Variants in SPRYD7 observed in about 807,000 individuals in gnomAD.
The protein encoded by SPRYD7 is SPRY domain-containing protein 7.
A neutral mutation model predicts 23.8 loss-of-function variants in SPRYD7; 14 were observed. That is an observed-to-expected ratio of 0.59 (90% confidence interval 0.39 to 0.92). The LOEUF (loss-of-function observed/expected upper bound fraction) is 0.92. SPRYD7 is among the 40% of genes least tolerant of loss of function. The probability of loss-of-function intolerance (pLI) is 0.00; values close to 1 mark genes in which losing one functional copy is unlikely to be tolerated. For missense variants in SPRYD7, 194 were observed against 241.7 expected (o/e 0.80, Z 1.31); for synonymous variants, 75 against 84.9 (o/e 0.88, Z 0.64).
At chr13:49,916,618 GAA>G (rs1955755102) in intron 4 of SPRYD7, among the ~76,000 whole-genome samples, 3 of 149,384 alleles carry the variant, frequency 2.0e-5, no homozygotes, top group Admixed American at 6.7e-5. Flanking sequence ...AAAAAAAAAA[GAA>G]AGAAAAACAA....
chr13:49,919,426 C>A (rs1004516779), intron 4 of SPRYD7, among the ~76,000 whole-genome samples: 5 of 152,122 alleles, frequency 3.3e-5, no homozygotes, highest in African/African-American at 1.2e-4. Flanking sequence ...TGCTTGTAGT[C>A]CCATCTACTC....
At position 49,921,709 on chromosome 13, in the gene SPRYD7, A is replaced by G; in HGVS notation, c.391-129T>C. 4.9e-6 allele frequency: 3 copies of G among 613,070 alleles called. No individual in the cohort carries two copies. In the South Asian group the frequency reaches 5.9e-5, roughly 12 times the overall value. The allele number at this position is 613,070 out of a possible 1,614,324, so 38.0% of individuals were successfully genotyped here. On this transcript the variant is annotated intron_variant, in intron 3 of 4. Coordinates refer to ENST00000361840, the MANE Select transcript of SPRYD7 (RefSeq NM_020456.4). ...TTTCATTAAGGGTTGACAATTTGGT[A>G]GAATCCTACTTGAACTGAGCTAAAA...
intron 2 of SPRYD7, among the ~76,000 whole-genome samples, 176 bp downstream of exon 2, chr13:49,930,842 T>C (rs538141457): frequency 6.6e-6 from 1 of 152,338 alleles, no homozygotes; most frequent in East Asian, 1.9e-4. Flanking sequence ...AAACTGAACC[T>C]AATTTAACTA....
At chr13:49,921,448 T>C in intron 4 of SPRYD7, 30 bp downstream of exon 4, 1 of 1,353,886 alleles carries the variant, frequency 7.4e-7, no homozygotes, top group Non-Finnish European at 1.1e-6. Flanking sequence ...AATATGTATG[T>C]AATAATACAT....
At chr13:49,916,057 G>C (rs960734383) in intron 4 of SPRYD7, among the ~76,000 whole-genome samples, 2 of 152,168 alleles carry the variant, frequency 1.3e-5, no homozygotes, top group Non-Finnish European at 2.9e-5. Context: ...GGAGTGGTGA[G>C]TAGGATATAA....
intron 3 of SPRYD7, 94 bp downstream of exon 3, chr13:49,927,825 T>C: frequency 1.4e-6 from 2 of 1,393,220 alleles, no homozygotes; most frequent in East Asian, 2.3e-5. Context: ...TGCTTTGGAA[T>C]TCAAACCACA....
intron 3 of SPRYD7, 102 bp downstream of exon 3, chr13:49,927,817 C>A: frequency 7.8e-7 from 1 of 1,273,984 alleles, no homozygotes; most frequent in Admixed American, 2.0e-5. Flanking sequence ...AATCCCACTG[C>A]TTTGGAATTC....
chr13:49,935,203 C>T (rs1871567364), intron 1 of SPRYD7, among the ~76,000 whole-genome samples: 1 of 152,140 alleles, frequency 6.6e-6, no homozygotes, highest in African/African-American at 2.4e-5. Context: ...TAAGAAGTGC[C>T]TTTTTATTTC....
At position 49,914,957 on chromosome 13, in the gene SPRYD7, A is replaced by C; in HGVS notation, c.*106T>G. On this transcript the variant is annotated 3_prime_UTR_variant, in exon 5 of 5. Transcript: ENST00000361840. ...ATTGGTTCCTTAGACAGCATCAACAAGCATATTTTTAAGAATATATTTTCA... is the reference window on the plus strand; with the variant it reads ...ATTGGTTCCTTAGACAGCATCAACACGCATATTTTTAAGAATATATTTTCA... The C allele has an allele frequency of 1.8e-6, 1 of 542,890 alleles. No individual in the cohort carries two copies. Among genetic ancestry groups the C allele is most frequent in the Non-Finnish European group, 3.2e-6 (1 of 316,062 alleles). 33.6% of individuals were successfully genotyped at this position (542,890 alleles called of 1,614,324 possible). A position where few individuals can be genotyped will look rare whatever the true frequency, so the allele number is the denominator to read the frequency against.
chr13:49,931,207 T>C, intron 1 of SPRYD7, 73 bp from the exon 2 acceptor site: 1 of 962,176 alleles, frequency 1.0e-6, no homozygotes, highest in Non-Finnish European at 1.5e-6. Context: ...TGAGACGGAG[T>C]CTTGCTCTGT....
In SPRYD7 at chr13:49,921,477, C is replaced by T. The variant is rs773292903; in HGVS notation, c.493+1G>A. On this transcript the variant is annotated splice_donor_variant, in intron 4 of 4. Coordinates refer to ENST00000361840, the MANE Select transcript of SPRYD7 (RefSeq NM_020456.4). LOFTEE classifies it high-confidence loss of function. ...AATACATTAGAAATATTTTTGCTTA[C>T]CATAAACAACTGGATACACTGTCCC... The T allele has an allele frequency of 1.9e-6, 3 of 1,597,908 alleles. No homozygotes were observed. The highest frequency in any genetic ancestry group is 1.1e-5 in the South Asian group (1 of 90,742).
At chr13:49,933,622 AAAAG>A (rs947038799) in intron 1 of SPRYD7, among the ~76,000 whole-genome samples, 4 of 151,966 alleles carry the variant, frequency 2.6e-5, no homozygotes, top group Admixed American at 6.6e-5. Flanking sequence ...AAAAGAAAAA[AAAAG>A]AAAGAAAGAA....
chr13:49,922,980 G>A (rs574079474), intron 3 of SPRYD7, among the ~76,000 whole-genome samples: 64 of 152,294 alleles, frequency 4.2e-4, no homozygotes, highest in East Asian at 5.8e-4. Flanking sequence ...AAGGAATACT[G>A]AGAAAGATAA....
chr13:49,932,834 A>T (rs748150205), intron 1 of SPRYD7, among the ~76,000 whole-genome samples: 14 of 152,192 alleles, frequency 9.2e-5, no homozygotes, highest in Non-Finnish European at 1.6e-4. Context: ...CAAAACTGAG[A>T]TCCTATTGTA....
chr13:49,924,721 C>T (rs1174781031), intron 3 of SPRYD7, among the ~76,000 whole-genome samples: 2 of 151,956 alleles, frequency 1.3e-5, no homozygotes, highest in African/African-American at 4.8e-5. Flanking sequence ...CACCTGTAAT[C>T]TCAGCACTTT....
rs1470205295 is a variant in SPRYD7 at position 49,927,819 on chromosome 13, T to C, written c.390+100A>G. 3.8e-6 allele frequency: 5 copies of C among 1,300,934 alleles called. No individual in the cohort carries two copies. The African/African-American group carries it at 4.4e-5, about 11-fold the overall frequency. 80.6% of individuals were successfully genotyped at this position (1,300,934 alleles called of 1,614,324 possible). A position where few individuals can be genotyped will look rare whatever the true frequency, so the allele number is the denominator to read the frequency against. On this transcript the variant is annotated intron_variant, in intron 3 of 4. Transcript: ENST00000361840. Reference sequence around the variant, plus strand: ...TCTCATTAGATCCAATCCCACTGCTTTGGAATTCAAACCACAAACTCCCAG... The same window carrying C: ...TCTCATTAGATCCAATCCCACTGCTCTGGAATTCAAACCACAAACTCCCAG...
chr13:49,923,336 C>G (rs1955841237), intron 3 of SPRYD7, among the ~76,000 whole-genome samples: 1 of 152,064 alleles, frequency 6.6e-6, no homozygotes, highest in Admixed American at 6.6e-5. Flanking sequence ...CTCCACTTCC[C>G]AGGTTCAGGA....
chr13:49,916,899 A>C (rs1955758195), intron 4 of SPRYD7, among the ~76,000 whole-genome samples: 2 of 152,184 alleles, frequency 1.3e-5, no homozygotes, highest in African/African-American at 2.4e-5. Flanking sequence ...GATGGAAAGA[A>C]GGCAGGATTG....
At position 49,913,975 on chromosome 13, in the gene SPRYD7, C is replaced by G. The variant is rs11839292; in HGVS notation, c.*1088G>C. On this transcript the variant is annotated 3_prime_UTR_variant, in exon 5 of 5. Transcript: ENST00000361840. Reference sequence around the variant, plus strand: ...AGCAGCAAAACTACAATTTGGATCTCTTTCTAATTCTAACACTCATGTTTT... The same window carrying G: ...AGCAGCAAAACTACAATTTGGATCTGTTTCTAATTCTAACACTCATGTTTT... 0.37 allele frequency: 56,674 copies of G among 152,736 alleles called. 12,098 individuals are homozygous for G. The highest frequency in any genetic ancestry group is 0.5 in the Non-Finnish European group (33,821 of 67,968). The allele number at this position is 152,736 out of a possible 1,614,324, so 9.5% of individuals were successfully genotyped here. A position where few individuals can be genotyped will look rare whatever the true frequency, so the allele number is the denominator to read the frequency against.
Sources: gnomAD v4.1 joint callset for allele counts (sites outside exome capture counted in the v4.1 genomes callset) on GRCh38, gnomAD v4.1.1 for gene constraint, MANE v1.5 for transcripts, NCBI Gene and HGNC (gene_info 2026-07-23, HGNC 2026-07-21) for gene names.